ADAM32: variants seen among roughly 807,000 people sequenced by gnomAD.
ADAM32 encodes disintegrin and metalloproteinase domain-containing protein 32.
ADAM32 carries 89 observed loss-of-function variants against 114.9 expected under a neutral mutation model. That is an observed-to-expected ratio of 0.77 (90% confidence interval 0.65 to 0.92). The LOEUF (loss-of-function observed/expected upper bound fraction) is 0.92, where lower values mean the gene tolerates loss of function less well. ADAM32 is among the 40% of genes least tolerant of loss of function. The pLI, the probability that ADAM32 is intolerant of heterozygous loss-of-function variation, is 0.00. For missense variants in ADAM32, 870 were observed against 932.8 expected, an observed-to-expected ratio of 0.93 and a Z score of 0.88; for synonymous variants, 285 against 307.5, an observed-to-expected ratio of 0.93 and a Z score of 0.77.
At position 39,138,399 on chromosome 8, in the gene ADAM32, G is replaced by A. The variant is rs1011730303; in HGVS notation, c.200+1681G>A. Among the ~76,000 whole-genome samples, 5 of 150,364 alleles carry A rather than the reference G, an allele frequency of 3.3e-5. No homozygotes were observed. In the East Asian group the frequency reaches 9.8e-4, roughly 30 times the overall value. On this transcript the variant is annotated intron_variant, in intron 3 of 24. Coordinates refer to ENST00000379907, the MANE Select transcript of ADAM32 (RefSeq NM_145004.7). ...CCATGTGTTCTCATTGTTCAACTCC[G>A]ACCTATGAGTGTGAACATGCGGTGT...
At chr8:39,262,871 A>AT (rs1000073021) in intron 19 of ADAM32, among the ~76,000 whole-genome samples, 9 of 150,402 alleles carry the variant, frequency 6.0e-5, no homozygotes, top group African/African-American at 2.0e-4. Flanking sequence ...ATGCCTGTCT[A>AT]TTTTTTTTTA....
Position 39,233,951 on chromosome 8 carries a change from C to T in ADAM32, c.1687C>T (p.His563Tyr). Residue 563 changes from histidine to tyrosine, a missense_variant, in exon 16 of 25, where the codon CAT becomes TAT. Physicochemically the swap from His to Tyr is moderately conservative, Grantham distance 83. Coordinates refer to ENST00000379907, the MANE Select transcript of ADAM32 (RefSeq NM_145004.7). ...TACCTACCCTACTCGAAAGCCTTTCCATCAAGAAAATGGTGATGTGATTTA... is the reference window on the plus strand; with the variant it reads ...TACCTACCCTACTCGAAAGCCTTTCTATCAAGAAAATGGTGATGTGATTTA... ...VCTYPTRKPF[H>Y]QENGDVIYAF... is the part of the protein sequence containing the mutation. 1 of 1,591,772 alleles carries T rather than the reference C, an allele frequency of 6.3e-7. No individual in the cohort carries two copies.
intron 17 of ADAM32, among the ~76,000 whole-genome samples, chr8:39,247,324 G>C (rs1810991933): frequency 1.3e-5 from 2 of 152,258 alleles, no homozygotes; most frequent in East Asian, 1.9e-4. Flanking sequence ...CACCAGCAGT[G>C]AATGAGAGTC....
chr8:39,262,643 T>G (rs1293784544), intron 19 of ADAM32, among the ~76,000 whole-genome samples: 3 of 150,120 alleles, frequency 2.0e-5, no homozygotes, highest in Non-Finnish European at 3.0e-5. Context: ...CTCCCTCCAT[T>G]CCCCTCTTTC....
intron 2 of ADAM32, among the ~76,000 whole-genome samples, chr8:39,131,051 G>A (rs1214493759): frequency 1.3e-5 from 2 of 149,022 alleles, no homozygotes; most frequent in African/African-American, 4.9e-5. Context: ...CCACCTCCCG[G>A]GTTCACACCA....
At chr8:39,122,923 T>G (rs937721580) in intron 2 of ADAM32, among the ~76,000 whole-genome samples, 2 of 152,236 alleles carry the variant, frequency 1.3e-5, no homozygotes, top group Non-Finnish European at 2.9e-5. Flanking sequence ...TATGGCAGCC[T>G]AAGCAGACTA....
At chr8:39,143,619 C>T (rs1300462466) in intron 3 of ADAM32, among the ~76,000 whole-genome samples, 1 of 152,128 alleles carries the variant, frequency 6.6e-6, no homozygotes, top group East Asian at 1.9e-4. Flanking sequence ...TTTGAGGTGT[C>T]TGTCGACCCC....
chr8:39,204,915 A>G (rs1807716104), intron 11 of ADAM32, among the ~76,000 whole-genome samples: 5 of 152,226 alleles, frequency 3.3e-5, no homozygotes, highest in Admixed American at 2.6e-4. Context: ...TTGCCTGGGT[A>G]TCAGCAGCGG....
Position 39,274,304 on chromosome 8 carries a change from T to G in ADAM32, c.2202-8T>G. Reference sequence around the variant, plus strand: ...TAACTTGAGACATTGCTTTCAATTTTTTTTTAGATCCAGCTCAGAAGGCAG... The same window carrying G: ...TAACTTGAGACATTGCTTTCAATTTGTTTTTAGATCCAGCTCAGAAGGCAG... On this transcript the variant is annotated splice_polypyrimidine_tract_variant and splice_region_variant and intron_variant, in intron 20 of 24. Transcript: ENST00000379907. The G allele has an allele frequency of 1.2e-6, 2 of 1,613,292 alleles. No individual in the cohort carries two copies. Among genetic ancestry groups the G allele is most frequent in the African/African-American group, 2.7e-5 (2 of 75,052 alleles).
At chr8:39,177,094 C>A (rs1805578488) in intron 10 of ADAM32, among the ~76,000 whole-genome samples, 1 of 148,820 alleles carries the variant, frequency 6.7e-6, no homozygotes, top group Non-Finnish European at 1.5e-5. Flanking sequence ...GAGTCTCACT[C>A]TGTTGCCCAG....
At chr8:39,226,404 T>A (rs1343906506) in intron 14 of ADAM32, among the ~76,000 whole-genome samples, 1 of 152,048 alleles carries the variant, frequency 6.6e-6, no homozygotes, top group African/African-American at 2.4e-5. Flanking sequence ...AATCCTTCAG[T>A]CAGGTTTAAT....
intron 19 of ADAM32, among the ~76,000 whole-genome samples, chr8:39,267,258 C>T (rs1190445638): frequency 6.6e-6 from 1 of 152,116 alleles, no homozygotes; most frequent in South Asian, 2.1e-4. Flanking sequence ...AGGCTGGTAT[C>T]CCAGACTACT....
At chr8:39,230,664 C>T (rs1416909700) in intron 14 of ADAM32, among the ~76,000 whole-genome samples, 3 of 152,056 alleles carry the variant, frequency 2.0e-5, no homozygotes, top group Non-Finnish European at 4.4e-5. Flanking sequence ...TCTATACAAT[C>T]TCCTGTGATG....
intron 19 of ADAM32, among the ~76,000 whole-genome samples, chr8:39,268,259 G>A (rs1318424823): frequency 2.0e-5 from 3 of 152,090 alleles, no homozygotes; most frequent in Non-Finnish European, 4.4e-5. Context: ...TCAATATGTG[G>A]TCTCATTTTT....
chr8:39,205,551 C>T (rs982203334), intron 11 of ADAM32, among the ~76,000 whole-genome samples: 3 of 152,216 alleles, frequency 2.0e-5, no homozygotes, highest in African/African-American at 4.8e-5. Context: ...AAGGGAATTC[C>T]GTGACCCCTT....
chr8:39,158,513 C>A, intron 6 of ADAM32: 1 of 308,770 alleles, frequency 3.2e-6, no homozygotes, highest in South Asian at 3.4e-5. Flanking sequence ...CACCTTGGGT[C>A]CTAGCCGGCC....
intron 2 of ADAM32, among the ~76,000 whole-genome samples, chr8:39,134,562 A>G (rs139874743): frequency 1.7e-4 from 26 of 152,140 alleles, no homozygotes; most frequent in African/African-American, 6.3e-4. Context: ...TCTCTGTTTG[A>G]CATGTGCTTA....
Position 39,257,083 on chromosome 8 carries a change from T to A in ADAM32, c.2006-104T>A, listed in dbSNP as rs996480525. 7.0e-6 allele frequency: 8 copies of A among 1,146,614 alleles called. No individual in the cohort carries two copies. In the African/African-American group the frequency reaches 1.1e-4, roughly 16 times the overall value. 71.0% of individuals were successfully genotyped at this position (1,146,614 alleles called of 1,614,324 possible). Reference sequence around the variant, plus strand: ...AATGATTTTTTCCATGTTCCTTGAATAACAATACAAATTCAGAAGATTTTA... The same window carrying A: ...AATGATTTTTTCCATGTTCCTTGAAAAACAATACAAATTCAGAAGATTTTA... On this transcript the variant is annotated intron_variant, in intron 18 of 24. Coordinates refer to ENST00000379907, the MANE Select transcript of ADAM32 (RefSeq NM_145004.7).
intron 16 of ADAM32, among the ~76,000 whole-genome samples, chr8:39,243,905 C>T (rs1006463098): frequency 2.0e-5 from 3 of 152,070 alleles, no homozygotes; most frequent in Non-Finnish European, 2.9e-5. Flanking sequence ...ATCAAAAAAG[C>T]TCCGAGATTA....
Sources: gnomAD v4.1 joint callset for allele counts (sites outside exome capture counted in the v4.1 genomes callset) on GRCh38, gnomAD v4.1.1 for gene constraint, MANE v1.5 for transcripts, NCBI Gene and HGNC (gene_info 2026-07-23, HGNC 2026-07-21) for gene names.